STARD13: variants seen among roughly 807,000 people sequenced by gnomAD.
STARD13 encodes the protein StAR related lipid transfer domain containing 13.
A neutral mutation model predicts 106.4 loss-of-function variants in STARD13; 62 were observed. That is an observed-to-expected ratio of 0.58 (90% CI 0.48 to 0.72). STARD13 has a LOEUF of 0.72. Among genes scored for constraint, STARD13 ranks in the 30% least tolerant of loss-of-function variants. STARD13 has a pLI of 0.00. For missense variants in STARD13, 1,387 were observed against 1,424.0 expected, an observed-to-expected ratio of 0.97 and a Z score of 0.42; for synonymous variants, 565 against 553.0, an observed-to-expected ratio of 1.02 and a Z score of -0.31.
the STARD13 span, among the ~76,000 whole-genome samples, chr13:33,516,874 G>C: frequency 3.3e-5 from 5 of 150,588 alleles, no homozygotes; most frequent in Non-Finnish European, 7.4e-5. Context: ...CCAGCAGTTC[G>C]AGGTTGTAGT....
chr13:33,183,718 G>A lies in STARD13; in HGVS notation c.170-16096C>T, dbSNP rs561719021. ...CTCCAATCTGGAGGAACTTGGAGAA[G>A]GAGGGCAGTTCCGGTGATGAACAAA... is the stretch of plus-strand genomic sequence containing the variant. On this transcript the variant is annotated intron_variant, in intron 1 of 13. Coordinates refer to ENST00000336934, the MANE Select transcript of STARD13 (RefSeq NM_178006.4). Among the ~76,000 whole-genome samples the A allele has an allele frequency of 4.6e-5, 7 of 152,020 alleles. No individual in the cohort carries two copies. The East Asian group carries it at 7.7e-4, about 17-fold the overall frequency.
the STARD13 span, among the ~76,000 whole-genome samples, chr13:33,599,467 A>T: frequency 0.016 from 2,435 of 152,294 alleles, 52 homozygotes; most frequent in East Asian, 0.051. Flanking sequence ...CTTGTTTATC[A>T]ATTTCCTTAT....
intron 13 of STARD13, among the ~76,000 whole-genome samples, chr13:33,106,432 C>T (rs1290699792): frequency 2.0e-5 from 3 of 152,102 alleles, no homozygotes; most frequent in African/African-American, 7.2e-5. Context: ...AAAAGAAACA[C>T]AAGAGAGGGA....
At chr13:33,478,383 T>A in the STARD13 span, among the ~76,000 whole-genome samples, 1 of 152,198 alleles carries the variant, frequency 6.6e-6, no homozygotes, top group Non-Finnish European at 1.5e-5. Context: ...ATTGAGGACC[T>A]AAATTTTTCA....
the STARD13 span, among the ~76,000 whole-genome samples, chr13:33,525,597 A>G: frequency 6.6e-6 from 1 of 152,162 alleles, no homozygotes; most frequent in African/African-American, 2.4e-5. Context: ...AATTGAAGTA[A>G]TAAGTTTGTC....
chr13:33,238,121 G>A (rs2138235651), intron 1 of STARD13, among the ~76,000 whole-genome samples: 1 of 152,278 alleles, frequency 6.6e-6, no homozygotes, highest in East Asian at 1.9e-4. Context: ...CTCTCTTTCA[G>A]ATAGCACTTA....
chr13:33,453,110 C>A, the STARD13 span, among the ~76,000 whole-genome samples: 1 of 152,128 alleles, frequency 6.6e-6, no homozygotes, highest in Non-Finnish European at 1.5e-5. Context: ...TTTGCCTTGG[C>A]CTTTAGTCTT....
intron 1 of STARD13, among the ~76,000 whole-genome samples, chr13:33,337,798 T>G (rs572422692): frequency 1.3e-5 from 2 of 152,340 alleles, no homozygotes; most frequent in Admixed American, 6.5e-5. Flanking sequence ...TGGCTTCCCC[T>G]GAGTGCAGGA....
chr13:33,501,107 A>C, the STARD13 span, among the ~76,000 whole-genome samples: 39 of 104,126 alleles, frequency 3.7e-4, no homozygotes, highest in Non-Finnish European at 4.9e-4. Flanking sequence ...TTTTTGAGAC[A>C]GTGTTTTGCT....
At chr13:33,163,957 C>G (rs890388656) in intron 3 of STARD13, among the ~76,000 whole-genome samples, 5 of 151,862 alleles carry the variant, frequency 3.3e-5, no homozygotes, top group Non-Finnish European at 7.4e-5. Context: ...GGAATCTGCT[C>G]CTGCTTGCTG....
At chr13:33,524,316 A>G in the STARD13 span, 7 of 1,247,912 alleles carry the variant, frequency 5.6e-6, no homozygotes, top group African/African-American at 1.5e-5. Context: ...TTTTAGTTCT[A>G]CAAATTCCTT....
chr13:33,258,512 T>A (rs2138313166), intron 1 of STARD13, among the ~76,000 whole-genome samples: 1 of 152,210 alleles, frequency 6.6e-6, no homozygotes, highest in African/African-American at 2.4e-5. Context: ...TTTCAGTGTG[T>A]ATTGTTTGCA....
At chr13:33,495,483 C>A in the STARD13 span, among the ~76,000 whole-genome samples, 1 of 152,178 alleles carries the variant, frequency 6.6e-6, no homozygotes, top group African/African-American at 2.4e-5. Flanking sequence ...AGTTAAAGGA[C>A]GGGAAAGCTT....
intron 1 of STARD13, among the ~76,000 whole-genome samples, chr13:33,317,094 T>A (rs1594255073): frequency 1.3e-5 from 2 of 152,150 alleles, no homozygotes; most frequent in Non-Finnish European, 2.9e-5. Context: ...GCTCATTCCC[T>A]GTCCTCCTCT....
At chr13:33,156,240 C>G (rs369124258) in intron 3 of STARD13, among the ~76,000 whole-genome samples, 16 of 152,304 alleles carry the variant, frequency 1.1e-4, no homozygotes, top group African/African-American at 3.6e-4. Flanking sequence ...ATATTCCAAG[C>G]CTTCATTATA....
the STARD13 span, among the ~76,000 whole-genome samples, chr13:33,590,806 G>A: frequency 6.6e-6 from 1 of 152,070 alleles, no homozygotes; most frequent in Non-Finnish European, 1.5e-5. Context: ...GTATACATAT[G>A]TAACACACCT....
At chr13:33,407,155 C>G in the STARD13 span, among the ~76,000 whole-genome samples, 1 of 152,176 alleles carries the variant, frequency 6.6e-6, no homozygotes. Flanking sequence ...ATCTGTTATG[C>G]TCTGGCTACA....
At chr13:33,495,236 CTA>C in the STARD13 span, among the ~76,000 whole-genome samples, 1 of 152,210 alleles carries the variant, frequency 6.6e-6, no homozygotes, top group South Asian at 2.1e-4. Context: ...AATTAAAAAA[CTA>C]TTCAGAACTC....
At chr13:33,116,753 C>T (rs1163160045) in intron 8 of STARD13, among the ~76,000 whole-genome samples, 1 of 152,220 alleles carries the variant, frequency 6.6e-6, no homozygotes, top group Non-Finnish European at 1.5e-5. Flanking sequence ...CCTGTTTGGG[C>T]TCTAGCAACT....
Sources: gnomAD v4.1 joint callset for allele counts (sites outside exome capture counted in the v4.1 genomes callset) on GRCh38, gnomAD v4.1.1 for gene constraint, MANE v1.5 for transcripts, NCBI Gene and HGNC (gene_info 2026-07-23, HGNC 2026-07-21) for gene names.